SLCO3A1: variants seen among roughly 807,000 people sequenced by gnomAD.
SLCO3A1 encodes the protein PGE1 transporter.
SLCO3A1 carries 27 observed loss-of-function variants against 63.1 expected under a neutral mutation model. The observed-to-expected ratio is 0.43, with a 90% CI of 0.32 to 0.59. SLCO3A1 has a LOEUF of 0.59. Among genes scored for constraint, SLCO3A1 ranks in the 20% least tolerant of loss-of-function variants. The pLI, the probability that SLCO3A1 is intolerant of heterozygous loss-of-function variation, is 0.09. For missense variants in SLCO3A1, 773 were observed against 945.8 expected (o/e 0.82, Z 2.40); for synonymous variants, 473 against 409.9 (o/e 1.15, Z -1.86).
intron 2 of SLCO3A1, among the ~76,000 whole-genome samples, chr15:91,919,211 T>A (rs115201889): frequency 5.9e-5 from 9 of 152,340 alleles, no homozygotes; most frequent in African/African-American, 2.2e-4. Context: ...AAGCATTCCA[T>A]CTTGAATCAA....
intron 1 of SLCO3A1, among the ~76,000 whole-genome samples, chr15:91,888,597 C>T (rs1030911299): frequency 2.0e-5 from 3 of 152,032 alleles, no homozygotes; most frequent in Admixed American, 6.5e-5. Flanking sequence ...TAGCACTTAT[C>T]TTGTAGGAGA....
intron 2 of SLCO3A1, among the ~76,000 whole-genome samples, chr15:92,000,832 A>G (rs1025369253): frequency 6.6e-6 from 1 of 152,164 alleles, no homozygotes; most frequent in Non-Finnish European, 1.5e-5. Flanking sequence ...GTGTGCACAC[A>G]CGCTTGTACG....
At chr15:91,889,033 CAA>C (rs35188337) in intron 1 of SLCO3A1, 636 of 509,600 alleles carry the variant, frequency 1.2e-3, no homozygotes, top group South Asian at 3.4e-3. Context: ...AAAGAAAAAC[CAA>C]AAAAAAAAAA....
intron 2 of SLCO3A1, among the ~76,000 whole-genome samples, chr15:91,966,182 G>A (rs1003445983): frequency 6.6e-6 from 1 of 152,064 alleles, no homozygotes; most frequent in Non-Finnish European, 1.5e-5. Flanking sequence ...CAGGGGCCTC[G>A]GCTGGCAGCC....
intron 1 of SLCO3A1, among the ~76,000 whole-genome samples, chr15:91,871,679 C>T (rs1206610736): frequency 6.6e-6 from 1 of 151,576 alleles, no homozygotes; most frequent in African/African-American, 2.4e-5. Context: ...TGAGCCTTGC[C>T]ACACTGGATT....
In SLCO3A1 at chr15:91,883,034, A is replaced by G. The variant is rs1420175633; in HGVS notation, c.180+28946A>G. On this transcript the variant is annotated intron_variant, in intron 1 of 9. Coordinates refer to ENST00000318445, the MANE Select transcript of SLCO3A1 (RefSeq NM_013272.4). This position sits in a 1 kb window ranked among gnomAD's most constrained non-coding sequence, Gnocchi z 4.8. The stretch of plus-strand genomic sequence containing the variant: ...CCACCATGCAAGCCAGGCAGGCGCC[A>G]TCCACTGTAAACAGAGAGGAGAATG... 6.6e-6 allele frequency among the ~76,000 whole-genome samples: 1 copy of G among 152,254 alleles called. No individual in the cohort carries two copies. Among genetic ancestry groups the G allele is most frequent in the Non-Finnish European group, 1.5e-5 (1 of 68,040 alleles).
In SLCO3A1 at chr15:91,865,142, G is replaced by A. The variant is rs902703466; in HGVS notation, c.180+11054G>A. On this transcript the variant is annotated intron_variant, in intron 1 of 9. Coordinates refer to ENST00000318445, the MANE Select transcript of SLCO3A1 (RefSeq NM_013272.4). This position sits in a 1 kb window ranked among gnomAD's most constrained non-coding sequence, Gnocchi z 4.6. ...CCAATTCCACCTTTCACCACAGACTGTATGTGATTCCTGCCTTCCTGGACT... is the reference window on the plus strand; with the variant it reads ...CCAATTCCACCTTTCACCACAGACTATATGTGATTCCTGCCTTCCTGGACT... 6.6e-6 allele frequency among the ~76,000 whole-genome samples: 1 copy of A among 152,262 alleles called. No homozygotes were observed. Among genetic ancestry groups the A allele is most frequent in the Non-Finnish European group, 1.5e-5 (1 of 68,046 alleles).
chr15:92,099,219 G>C (rs2047575073), intron 3 of SLCO3A1, among the ~76,000 whole-genome samples: 1 of 152,228 alleles, frequency 6.6e-6, no homozygotes, highest in African/African-American at 2.4e-5. Context: ...AACAGACTGA[G>C]AGCCTCCTGC....
intron 2 of SLCO3A1, among the ~76,000 whole-genome samples, chr15:91,917,061 C>T (rs957962576): frequency 6.6e-6 from 1 of 152,156 alleles, no homozygotes; most frequent in African/African-American, 2.4e-5. Context: ...AGGATGGAAA[C>T]CACTTGTGCG....
intron 2 of SLCO3A1, among the ~76,000 whole-genome samples, chr15:91,929,888 T>C (rs1477174838): frequency 6.6e-6 from 1 of 152,206 alleles, no homozygotes; most frequent in Non-Finnish European, 1.5e-5. Flanking sequence ...ATGTATATTA[T>C]ATACCAAATA....
intron 2 of SLCO3A1, among the ~76,000 whole-genome samples, chr15:92,048,291 C>T (rs891397699): frequency 1.3e-5 from 2 of 152,100 alleles, no homozygotes; most frequent in Non-Finnish European, 2.9e-5. Context: ...TGCTGTACCC[C>T]CATCGGACTC....
intron 1 of SLCO3A1, among the ~76,000 whole-genome samples, chr15:91,906,185 C>G (rs1156775959): frequency 6.6e-6 from 1 of 152,126 alleles, no homozygotes; most frequent in Admixed American, 6.5e-5. Flanking sequence ...TAAGTAATAA[C>G]AAATGTTCAA....
chr15:91,952,600 C>T (rs975056287), intron 2 of SLCO3A1, among the ~76,000 whole-genome samples: 1 of 152,198 alleles, frequency 6.6e-6, no homozygotes, highest in Middle Eastern at 3.2e-3. Context: ...TGCTAAAGCA[C>T]CTTGTATCTG....
chr15:92,067,981 C>T (rs1417408761), intron 2 of SLCO3A1, among the ~76,000 whole-genome samples: 2 of 152,134 alleles, frequency 1.3e-5, no homozygotes, highest in Admixed American at 6.6e-5. Context: ...TTTTTAAGGG[C>T]ACTCACCCTA....
chr15:91,927,851 A>G (rs1269274984), intron 2 of SLCO3A1, among the ~76,000 whole-genome samples: 2 of 152,240 alleles, frequency 1.3e-5, no homozygotes, highest in African/African-American at 2.4e-5. Context: ...AAAATTGCGT[A>G]TGGACACTGG....
At chr15:92,138,062 TGAATG>T (rs959803264) in intron 7 of SLCO3A1, among the ~76,000 whole-genome samples, 1 of 110,894 alleles carries the variant, frequency 9.0e-6, no homozygotes, top group Non-Finnish European at 1.7e-5. Context: ...GCCTATGTCC[TGAATG>T]GTAATGCCTA....
At chr15:91,949,185 T>C (rs1483096234) in intron 2 of SLCO3A1, among the ~76,000 whole-genome samples, 1 of 152,072 alleles carries the variant, frequency 6.6e-6, no homozygotes, top group Non-Finnish European at 1.5e-5. Flanking sequence ...CACACCCAAA[T>C]TGGCATAGAG....
rs186326392 is a variant in SLCO3A1, at chr15:92,141,019, G to A, written c.1513-5965G>A. 4.8e-3 allele frequency among the ~76,000 whole-genome samples: 735 copies of A among 152,234 alleles called. 1 individual carries two copies. Among genetic ancestry groups the A allele is most frequent in the Admixed American group, 8.9e-3 (136 of 15,288 alleles). Reference sequence around the variant, plus strand: ...TCTGTTGGATATGTTCTCGTAGAACGGACAAGCCTGTTCCCCCTGTCCTCC... The same window carrying A: ...TCTGTTGGATATGTTCTCGTAGAACAGACAAGCCTGTTCCCCCTGTCCTCC... On this transcript the variant is annotated intron_variant, in intron 7 of 9. Transcript: ENST00000318445.
At position 92,165,174 on chromosome 15, in the gene SLCO3A1, A is replaced by G. The variant is rs894929061; in HGVS notation, c.*2039A>G. ...ACCAAAAGAAAAGCTGTGTCGTGGT[A>G]TGGGGCCACCGTGATCAGCTACCTG... On this transcript the variant is annotated 3_prime_UTR_variant, in exon 10 of 10. Coordinates refer to ENST00000318445, the MANE Select transcript of SLCO3A1 (RefSeq NM_013272.4). 1 of 985,328 alleles carries G rather than the reference A, an allele frequency of 1.0e-6. No homozygotes were observed. Among genetic ancestry groups the G allele is most frequent in the Non-Finnish European group, 1.2e-6 (1 of 829,938 alleles). The allele number at this position is 985,328 out of a possible 1,614,324, so 61.0% of individuals were successfully genotyped here. A position where few individuals can be genotyped will look rare whatever the true frequency, so the allele number is the denominator to read the frequency against.
Sources: allele counts gnomAD v4.1 joint callset (sites outside exome capture counted in the v4.1 genomes callset), GRCh38; gene constraint gnomAD v4.1.1; non-coding constraint Gnocchi (gnomAD v3.1); transcripts MANE v1.5; gene names NCBI Gene and HGNC (gene_info 2026-07-23, HGNC 2026-07-21).